SLC35F4: variants seen among roughly 807,000 people sequenced by gnomAD.
SLC35F4 encodes chromosome 14 open reading frame 36.
Under a neutral mutation model 44.2 loss-of-function variants are expected in SLC35F4, and 24 were observed. That is an observed-to-expected ratio of 0.54 (90% CI 0.39 to 0.76). The LOEUF (loss-of-function observed/expected upper bound fraction) is 0.76, where lower values mean the gene tolerates loss of function less well. Among genes scored for constraint, SLC35F4 ranks in the 30% least tolerant of loss-of-function variants. The probability of loss-of-function intolerance (pLI) is 0.00; values close to 1 mark genes in which losing one functional copy is unlikely to be tolerated. For synonymous variants in SLC35F4, 238 were observed against 223.6 expected (o/e 1.06, Z -0.57); for missense variants, 562 against 586.1 (o/e 0.96, Z 0.42).
chr14:57,596,908 T>G lies in SLC35F4; in HGVS notation c.104-2784A>C, dbSNP rs752767600. On this transcript the variant is annotated intron_variant, in intron 1 of 7. Coordinates refer to ENST00000556826, the MANE Select transcript of SLC35F4 (RefSeq NM_001306087.2). ...GAGTAGTTCATCCATGACAGACATT[T>G]TAATCACTGTCTTAAACAATACAAA... is the stretch of plus-strand genomic sequence containing the variant. 6 of 1,363,868 alleles carry G rather than the reference T, an allele frequency of 4.4e-6. No homozygotes were observed. In the African/African-American group the frequency reaches 8.9e-5, roughly 20 times the overall value. The allele number at this position is 1,363,868 out of a possible 1,614,324, so 84.5% of individuals were successfully genotyped here.
At chr14:57,607,061 G>C (rs2071205033) in intron 1 of SLC35F4, among the ~76,000 whole-genome samples, 1 of 152,166 alleles carries the variant, frequency 6.6e-6, no homozygotes, top group South Asian at 2.1e-4. Context: ...TTTCTATAAA[G>C]AGTGCTAAAT....
intron 1 of SLC35F4, among the ~76,000 whole-genome samples, chr14:57,873,791 T>C (rs1218511246): frequency 1.3e-5 from 2 of 152,108 alleles, no homozygotes; most frequent in Non-Finnish European, 2.9e-5. Flanking sequence ...CAGATCTTTA[T>C]TCTCCAGCAT....
At chr14:57,574,765 C>G (rs558683916) in intron 4 of SLC35F4, among the ~76,000 whole-genome samples, 148 of 152,228 alleles carry the variant, frequency 9.7e-4, no homozygotes, top group African/African-American at 3.5e-3. Context: ...CAGAATGGCT[C>G]TGCTTGGCAC....
chr14:57,783,383 A>T (rs2077676232), intron 1 of SLC35F4, among the ~76,000 whole-genome samples: 1 of 151,960 alleles, frequency 6.6e-6, no homozygotes, highest in Non-Finnish European at 1.5e-5. Context: ...AATGCAGACA[A>T]CAGTCTCCTA....
chr14:57,871,188 A>T (rs1266300746), intron 1 of SLC35F4, among the ~76,000 whole-genome samples: 3 of 152,158 alleles, frequency 2.0e-5, no homozygotes, highest in Non-Finnish European at 2.9e-5. Flanking sequence ...GTCCAGAAGC[A>T]GCAGAGTCCC....
chr14:57,716,583 T>C (rs1164422351), intron 1 of SLC35F4, among the ~76,000 whole-genome samples: 1 of 152,162 alleles, frequency 6.6e-6, no homozygotes, highest in Non-Finnish European at 1.5e-5. Flanking sequence ...CCACTTCCCA[T>C]ATATATCTTT....
chr14:57,781,405 CAAGA>C (rs1313146403), intron 1 of SLC35F4, among the ~76,000 whole-genome samples: 2 of 152,002 alleles, frequency 1.3e-5, no homozygotes, highest in African/African-American at 4.8e-5. Flanking sequence ...ATTAAAAAAT[CAAGA>C]AATAACAGAT....
At chr14:57,723,316 G>A (rs577727958) in intron 1 of SLC35F4, among the ~76,000 whole-genome samples, 2 of 152,296 alleles carry the variant, frequency 1.3e-5, no homozygotes, top group African/African-American at 2.4e-5. Flanking sequence ...AGGCCAAATG[G>A]AAACAATTAG....
intron 1 of SLC35F4, among the ~76,000 whole-genome samples, chr14:57,839,309 G>T (rs1290023616): frequency 6.6e-6 from 1 of 152,056 alleles, no homozygotes; most frequent in African/African-American, 2.4e-5. Flanking sequence ...AATATTGATG[G>T]CAGTGATTCT....
intron 1 of SLC35F4, among the ~76,000 whole-genome samples, chr14:57,675,377 G>A (rs145400882): frequency 1.3e-5 from 2 of 152,202 alleles, no homozygotes; most frequent in East Asian, 1.9e-4. Flanking sequence ...AAGTAAGCTG[G>A]ATTAGTGGAT....
At chr14:57,857,980 A>C (rs1482937666) in intron 1 of SLC35F4, among the ~76,000 whole-genome samples, 3 of 152,042 alleles carry the variant, frequency 2.0e-5, no homozygotes, top group African/African-American at 7.3e-5. Flanking sequence ...CCACAGTGAG[A>C]TACCATCTCA....
At chr14:57,832,201 C>T (rs1884447935) in intron 1 of SLC35F4, among the ~76,000 whole-genome samples, 1 of 152,130 alleles carries the variant, frequency 6.6e-6, no homozygotes, top group African/African-American at 2.4e-5. Flanking sequence ...CGGCCCACCC[C>T]ACATCACTTG....
chr14:57,678,032 G>C (rs2074758652), intron 1 of SLC35F4, among the ~76,000 whole-genome samples: 1 of 152,030 alleles, frequency 6.6e-6, no homozygotes, highest in Non-Finnish European at 1.5e-5. Context: ...ATATCACAAA[G>C]ATACTCCTTG....
chr14:57,915,516 C>T (rs573194416), intron 1 of SLC35F4, among the ~76,000 whole-genome samples: 5 of 152,296 alleles, frequency 3.3e-5, no homozygotes, highest in Admixed American at 6.5e-5. Context: ...TCACATCTCA[C>T]TATATGTGGT....
intron 2 of SLC35F4, 138 bp downstream of exon 2, chr14:57,593,801 C>T (rs949163809): frequency 1.1e-6 from 1 of 905,414 alleles, no homozygotes; most frequent in Non-Finnish European, 1.7e-6. Flanking sequence ...CTTCCTTATC[C>T]TCCGGCTTGA....
intron 1 of SLC35F4, among the ~76,000 whole-genome samples, chr14:57,690,151 A>G (rs12434589): frequency 0.24 from 35,774 of 152,108 alleles, 4,194 homozygotes; most frequent in South Asian, 0.31. Context: ...TCATGGAATG[A>G]GTTAGCTACT....
intron 1 of SLC35F4, among the ~76,000 whole-genome samples, chr14:57,862,075 C>G (rs1887730108): frequency 6.6e-6 from 1 of 152,114 alleles, no homozygotes; most frequent in Non-Finnish European, 1.5e-5. Flanking sequence ...CAATCCACCC[C>G]CCACCCCTTT....
intron 1 of SLC35F4, among the ~76,000 whole-genome samples, chr14:57,900,409 G>A (rs1417155990): frequency 6.6e-6 from 1 of 151,996 alleles, no homozygotes; most frequent in African/African-American, 2.4e-5. Context: ...GGGGTCATGT[G>A]CTCACCTCTG....
At chr14:57,818,919 G>A (rs186916011) in intron 1 of SLC35F4, among the ~76,000 whole-genome samples, 1 of 152,236 alleles carries the variant, frequency 6.6e-6, no homozygotes, top group East Asian at 1.9e-4. Context: ...AAAACTTAAT[G>A]GCAAGCATCA....
Sources: gnomAD v4.1 joint callset for allele counts (sites outside exome capture counted in the v4.1 genomes callset) on GRCh38, gnomAD v4.1.1 for gene constraint, MANE v1.5 for transcripts, NCBI Gene and HGNC (gene_info 2026-07-23, HGNC 2026-07-21) for gene names.